Variants in RNF145 observed in about 807,000 individuals in gnomAD.
RNF145 encodes ring finger protein 145.
In RNF145, 12 loss-of-function variants were observed where a neutral mutation model predicts 57.3. That is an observed-to-expected ratio of 0.21 (90% CI 0.13 to 0.34). RNF145 has a LOEUF of 0.34. RNF145 is among the 10% of genes least tolerant of loss of function. The pLI is 1.00. For synonymous variants in RNF145, 262 were observed against 288.3 expected (o/e 0.91, Z 0.92); for missense variants, 429 against 799.0 (o/e 0.54, Z 5.58).
chr5:159,192,873 C>T (rs1785333363), intron 3 of RNF145, among the ~76,000 whole-genome samples: 1 of 152,216 alleles, frequency 6.6e-6, no homozygotes, highest in African/African-American at 2.4e-5. Context: ...AACAGTTACT[C>T]CAGAGCTCAG....
chr5:159,168,005 C>T (rs1464287320), intron 8 of RNF145, among the ~76,000 whole-genome samples: 3 of 151,918 alleles, frequency 2.0e-5, no homozygotes, highest in African/African-American at 7.3e-5. Context: ...TTTCTATAAT[C>T]AATAATCAGA....
chr5:159,158,921 A>G lies in RNF145; in HGVS notation c.1741T>C (p.Ser581Pro). 2 of 1,613,848 alleles carry G rather than the reference A, an allele frequency of 1.2e-6. No homozygotes were observed. The highest frequency in any genetic ancestry group is 1.7e-6 in the Non-Finnish European group (2 of 1,179,856). The change falls in exon 11 of 11, where the codon TCC becomes CCC. Residue 581 changes from serine to proline, a missense_variant. Physicochemically the swap from Ser to Pro is moderately conservative, Grantham distance 74. This residue lies in a region of RNF145 where 102 missense variants were observed against 106.2 expected (regional missense o/e 0.96). Transcript: ENST00000424310. ...CPLCHCHLKN[S>P]SQLPGLGTEP... ...GTTCCTAATCCTGGAAGCTGGGAGG[A>G]GTTTTTCAGATGGCAGTGGCACAGA...
At chr5:159,181,556 A>G (rs781213079) in intron 4 of RNF145, among the ~76,000 whole-genome samples, 1 of 152,166 alleles carries the variant, frequency 6.6e-6, no homozygotes, top group Non-Finnish European at 1.5e-5. Context: ...GAATATTTCA[A>G]TCACATCTCA....
At chr5:159,183,474 CCT>C (rs1192062226) in intron 3 of RNF145, among the ~76,000 whole-genome samples, 5 of 151,926 alleles carry the variant, frequency 3.3e-5, no homozygotes, top group African/African-American at 1.2e-4. Context: ...ATTGAGTAAC[CCT>C]GTTTTCATGT....
intron 6 of RNF145, among the ~76,000 whole-genome samples, chr5:159,171,412 C>T (rs1308051087): frequency 6.6e-6 from 1 of 152,066 alleles, no homozygotes; most frequent in Non-Finnish European, 1.5e-5. Context: ...TTTACACCCA[C>T]ACAATATGAT....
In RNF145 at chr5:159,158,927, T is replaced by C; in HGVS notation, c.1735A>G (p.Lys579Glu). 6.2e-7 allele frequency: 1 copy of C among 1,613,936 alleles called. No homozygotes were observed. Among genetic ancestry groups the C allele is most frequent in the Non-Finnish European group, 8.5e-7 (1 of 1,179,850 alleles). ...ETCPLCHCHL[K>E]NSSQLPGLGT... ...AATCCTGGAAGCTGGGAGGAGTTTT[T>C]CAGATGGCAGTGGCACAGAGGGCAG... Residue 579 changes from lysine to glutamate, a missense_variant, in exon 11 of 11, where the codon AAA (lysine) becomes GAA (glutamate). Coordinates refer to ENST00000424310, the MANE Select transcript of RNF145 (RefSeq NM_001199383.2).
At chr5:159,207,979 T>G in intron 1 of RNF145, 2 of 1,575,560 alleles carry the variant, frequency 1.3e-6, no homozygotes, top group Non-Finnish European at 1.7e-6. Flanking sequence ...AACTGCACAC[T>G]CCGTATTTTA....
chr5:159,205,154 AT>A (rs138591033), intron 1 of RNF145, among the ~76,000 whole-genome samples: 8,271 of 152,204 alleles, frequency 0.054, 247 homozygotes, highest in Middle Eastern at 0.093. Flanking sequence ...TATATCAACC[AT>A]TCCCATAACC....
chr5:159,208,407 A>AT (rs1344812478), intron 1 of RNF145, among the ~76,000 whole-genome samples: 2 of 152,052 alleles, frequency 1.3e-5, no homozygotes, highest in Non-Finnish European at 2.9e-5. Flanking sequence ...AAGGGAACTC[A>AT]TTCCAGAAAG....
chr5:159,197,687 C>T (rs1431796292), intron 2 of RNF145, among the ~76,000 whole-genome samples: 1 of 152,218 alleles, frequency 6.6e-6, no homozygotes, highest in Non-Finnish European at 1.5e-5. Flanking sequence ...ACTCACTCTA[C>T]AGCATTAACC....
chr5:159,196,991 A>G, intron 2 of RNF145, among the ~76,000 whole-genome samples: 1 of 152,228 alleles, frequency 6.6e-6, no homozygotes, highest in East Asian at 1.9e-4. Context: ...TCATTCAATC[A>G]ACATTATTAT....
chr5:159,188,991 G>T (rs1408112676), intron 3 of RNF145, among the ~76,000 whole-genome samples: 1 of 151,936 alleles, frequency 6.6e-6, no homozygotes, highest in Admixed American at 6.5e-5. Context: ...GAAATTAATT[G>T]TTAAAATTAT....
intron 3 of RNF145, among the ~76,000 whole-genome samples, chr5:159,188,200 G>A (rs1258562559): frequency 2.0e-5 from 3 of 151,708 alleles, no homozygotes; most frequent in African/African-American, 7.3e-5. Flanking sequence ...GGCTAACATG[G>A]TGAAACCCCA....
At chr5:159,159,664 G>A (rs1398171536) in intron 10 of RNF145, among the ~76,000 whole-genome samples, 2 of 152,140 alleles carry the variant, frequency 1.3e-5, no homozygotes, top group East Asian at 1.9e-4. Flanking sequence ...GATATGTAAC[G>A]ATGGGATTCA....
chr5:159,166,633 G>A (rs1404064573), intron 8 of RNF145, among the ~76,000 whole-genome samples: 1 of 152,154 alleles, frequency 6.6e-6, no homozygotes, highest in East Asian at 1.9e-4. Context: ...TCATATACCA[G>A]AGTTCCACCC....
chr5:159,182,041 G>C lies in RNF145; in HGVS notation c.304C>G (p.Arg102Gly), dbSNP rs766952810. The C allele has an allele frequency of 6.3e-7, 1 of 1,595,642 alleles. No individual in the cohort carries two copies. Among genetic ancestry groups the C allele is most frequent in the South Asian group, 1.1e-5 (1 of 90,582 alleles). The change falls in exon 4 of 11, where the codon CGG becomes GGG. Residue 102 changes from arginine (R) to glycine (G), a missense_variant. Arg to Gly is a moderately radical substitution (Grantham distance 125). Coordinates refer to ENST00000424310, the MANE Select transcript of RNF145 (RefSeq NM_001199383.2). ...TCATAGGCAAACTCCAGTTCACTCC[G>C]AACATAGTCCCTAAATAAGAAAATT... is the stretch of plus-strand genomic sequence containing the variant. ...AGHQISRDYVRSELEFAYEGP... is the reference protein window; with the variant it reads ...AGHQISRDYVGSELEFAYEGP...
rs188502807 is a variant in RNF145, at chr5:159,187,316, T to G, written c.294-5265A>C. 1.2e-3 allele frequency among the ~76,000 whole-genome samples: 170 copies of G among 145,866 alleles called. 1 individual carries two copies. The East Asian group carries it at 0.024, about 20-fold the overall frequency. On this transcript the variant is annotated intron_variant, in intron 3 of 10. Transcript: ENST00000424310. ...AACAAACAAAAAACAATTTATCTAG[T>G]TTTTTTTTTTAAAGAAAAAAAATTT...
intron 5 of RNF145, among the ~76,000 whole-genome samples, chr5:159,174,881 C>A (rs1396164009): frequency 6.6e-6 from 1 of 151,974 alleles, no homozygotes; most frequent in Non-Finnish European, 1.5e-5. Flanking sequence ...AAATCAATCA[C>A]AGAATCTGAT....
intron 3 of RNF145, among the ~76,000 whole-genome samples, chr5:159,183,250 A>C (rs148711669): frequency 2.8e-3 from 434 of 152,330 alleles, no homozygotes; most frequent in African/African-American, 9.6e-3. Context: ...TCTCAGGAAG[A>C]ATTATTGTAA....
Sources: gnomAD v4.1 joint callset for allele counts (sites outside exome capture counted in the v4.1 genomes callset) on GRCh38, gnomAD v4.1.1 for gene constraint, gnomAD v4.1.1 regional missense constraint, MANE v1.5 for transcripts, NCBI Gene and HGNC (gene_info 2026-07-23, HGNC 2026-07-21) for gene names.